Variants in PHF6 observed in about 807,000 individuals in gnomAD.
PHF6 encodes the protein PHD finger protein 6, also known as PHD-like zinc finger protein.
Under a neutral mutation model 34.0 loss-of-function variants are expected in PHF6, and 7 were observed. That is an observed-to-expected ratio of 0.21 (90% confidence interval 0.12 to 0.39). PHF6 has a LOEUF of 0.39. PHF6 is among the 10% of genes least tolerant of loss of function. PHF6 has a pLI of 1.00. For missense variants in PHF6, 128 were observed against 262.8 expected (o/e 0.49, Z 3.55); for synonymous variants, 89 against 88.4 (o/e 1.01, Z -0.04).
intron 8 of PHF6, among the ~76,000 whole-genome samples, chrX:134,416,850 G>C (rs1222223718): frequency 9.0e-6 from 1 of 111,701 alleles, no homozygotes; most frequent in African/African-American, 3.3e-5. Context: ...TGATCTTAGG[G>C]AAGAAAAGAA....
chrX:134,419,364 A>G (rs185043613), intron 9 of PHF6: 1 of 110,197 alleles, frequency 9.1e-6, no homozygotes, highest in Admixed American at 9.7e-5. Context: ...TCTCTATATA[A>G]TTTTAAAAAT....
chrX:134,396,391 T>C (rs1249015846), intron 5 of PHF6, among the ~76,000 whole-genome samples: 1 of 111,921 alleles, frequency 8.9e-6, no homozygotes, highest in African/African-American at 3.2e-5. Flanking sequence ...CAGTACCATC[T>C]AGTGGTAGGG....
intron 1 of PHF6, among the ~76,000 whole-genome samples, chrX:134,376,863 T>G (rs1202349875): frequency 8.9e-6 from 1 of 112,224 alleles, no homozygotes; most frequent in Non-Finnish European, 1.9e-5. Context: ...CCTGATTTTT[T>G]TAAACTCAGA....
intron 9 of PHF6, chrX:134,420,459 G>A (rs2077487646): frequency 9.0e-6 from 1 of 110,620 alleles, no homozygotes. Flanking sequence ...CTGAATATGA[G>A]ATGACTTTTA....
intron 5 of PHF6, among the ~76,000 whole-genome samples, chrX:134,407,319 C>T (rs2077429378): frequency 8.9e-6 from 1 of 112,231 alleles, no homozygotes; most frequent in African/African-American, 3.2e-5. Context: ...ATTCTATTTC[C>T]AACTTATACA....
chrX:134,401,638 A>G (rs2077402989), intron 5 of PHF6, among the ~76,000 whole-genome samples: 1 of 111,958 alleles, frequency 8.9e-6, no homozygotes. Context: ...TTTTATGACA[A>G]CTTTTTTTAT....
chrX:134,389,604 A>G (rs1170364976), intron 3 of PHF6, among the ~76,000 whole-genome samples: 1 of 111,558 alleles, frequency 9.0e-6, no homozygotes, highest in East Asian at 2.8e-4. Flanking sequence ...TTTATTTCCT[A>G]TAACATTTTT....
chrX:134,420,247 G>C (rs1174734723), intron 9 of PHF6: 1 of 105,245 alleles, frequency 9.5e-6, no homozygotes, highest in African/African-American at 3.5e-5. Context: ...AGGAGTTTGA[G>C]ACCAGCTTCG....
chrX:134,379,421 T>C (rs1418637814), intron 3 of PHF6, among the ~76,000 whole-genome samples: 1 of 74,520 alleles, frequency 1.3e-5, no homozygotes, highest in Non-Finnish European at 2.3e-5. Context: ...CTTTTTCTTT[T>C]CTTTTCTTTT....
intron 5 of PHF6, among the ~76,000 whole-genome samples, chrX:134,411,984 G>A (rs762243021): frequency 1.1e-3 from 121 of 111,831 alleles, no homozygotes; most frequent in African/African-American, 3.6e-3. Flanking sequence ...TGTTCACCTC[G>A]GCCTCCCAAA....
intron 5 of PHF6, among the ~76,000 whole-genome samples, chrX:134,410,496 C>G (rs1484807496): frequency 1.8e-5 from 2 of 111,420 alleles, no homozygotes; most frequent in East Asian, 5.6e-4. Context: ...TACTTATATT[C>G]TGAGAATTAT....
chrX:134,406,404 C>G (rs999802184), intron 5 of PHF6, among the ~76,000 whole-genome samples: 3 of 111,753 alleles, frequency 2.7e-5, no homozygotes, highest in African/African-American at 9.8e-5. Flanking sequence ...TTCAGATGTT[C>G]TGTCCAGATA....
At chrX:134,423,147 A>G (rs758504419) in intron 9 of PHF6, among the ~76,000 whole-genome samples, 2 of 111,961 alleles carry the variant, frequency 1.8e-5, no homozygotes, top group African/African-American at 3.2e-5. Context: ...AAAATTAACA[A>G]TTATTTCTTA....
intron 9 of PHF6, among the ~76,000 whole-genome samples, chrX:134,420,795 T>G: frequency 9.0e-6 from 1 of 111,033 alleles, no homozygotes; most frequent in South Asian, 3.8e-4. Flanking sequence ...GATTTCACCT[T>G]GTTGTCCAGG....
rs995073537 is a variant in PHF6 at position 134,428,059 on chromosome X, G to A, written c.*2399G>A. On this transcript the variant is annotated 3_prime_UTR_variant, in exon 11 of 11. Coordinates refer to ENST00000370803, the MANE Select transcript of PHF6 (RefSeq NM_001015877.2). Reference sequence around the variant, plus strand: ...TTACATCATTTCAAAAAATACTGCCGTTACTGTCTTTTATGCATATTTTAG... The same window carrying A: ...TTACATCATTTCAAAAAATACTGCCATTACTGTCTTTTATGCATATTTTAG... 1.9e-5 allele frequency: 3 copies of A among 154,741 alleles called. No homozygotes were observed. The highest frequency in any genetic ancestry group is 3.8e-5 in the Non-Finnish European group (3 of 79,352). 12.8% of individuals were successfully genotyped at this position (154,741 alleles called of 1,213,427 possible). A position where few individuals can be genotyped will look rare whatever the true frequency, so the allele number is the denominator to read the frequency against.
chrX:134,384,753 A>G (rs984192409), intron 3 of PHF6, among the ~76,000 whole-genome samples: 11 of 108,860 alleles, frequency 1.0e-4, no homozygotes, highest in East Asian at 2.9e-4. Flanking sequence ...CTGGGTTCAC[A>G]CCATTCTCCT....
rs757035061 is a variant in PHF6 at position 134,426,311 on chromosome X, A to G, written c.*651A>G. On this transcript the variant is annotated 3_prime_UTR_variant, in exon 11 of 11. Coordinates refer to ENST00000370803, the MANE Select transcript of PHF6 (RefSeq NM_001015877.2). ...TTTGCCAAAATTCTCTTGACAGCACACCTCCTCTCTTTCCATGTTATACAA... is the reference window on the plus strand; with the variant it reads ...TTTGCCAAAATTCTCTTGACAGCACGCCTCCTCTCTTTCCATGTTATACAA... 2 of 161,192 alleles carry G rather than the reference A, an allele frequency of 1.2e-5. No homozygotes were observed. Among genetic ancestry groups the G allele is most frequent in the African/African-American group, 3.0e-5 (1 of 33,205 alleles). 13.3% of individuals were successfully genotyped at this position (161,192 alleles called of 1,213,427 possible). A position where few individuals can be genotyped will look rare whatever the true frequency, so the allele number is the denominator to read the frequency against.
intron 1 of PHF6, among the ~76,000 whole-genome samples, chrX:134,374,579 C>T (rs976997548): frequency 8.9e-6 from 1 of 112,129 alleles, no homozygotes; most frequent in African/African-American, 3.2e-5. Context: ...TTTTAATCTT[C>T]CGGAACTGCA....
In PHF6 at chrX:134,425,371, A is replaced by G. The variant is rs1249541084; in HGVS notation, c.*41A>G. ...ATATGGGATCTGTTGTCAGGATACA[A>G]TACACACTGATATATACATGTTGAA... is the stretch of plus-strand genomic sequence containing the variant. On this transcript the variant is annotated intron_variant, in intron 10 of 10. Transcript: ENST00000370803. 5 of 1,182,311 alleles carry G rather than the reference A, an allele frequency of 4.2e-6. No individual in the cohort carries two copies. The Admixed American group carries it at 6.5e-5, about 15-fold the overall frequency.
Sources: gnomAD v4.1 joint callset for allele counts (sites outside exome capture counted in the v4.1 genomes callset) on GRCh38, gnomAD v4.1.1 for gene constraint, MANE v1.5 for transcripts, NCBI Gene and HGNC (gene_info 2026-07-23, HGNC 2026-07-21) for gene names.